The following JUP variants were observed in gnomAD, a reference collection of about 807,000 sequenced individuals.
The protein encoded by JUP is catenin (cadherin-associated protein), gamma 80kDa.
JUP carries 28 observed loss-of-function variants against 71.1 expected under a neutral mutation model. The ratio of observed to expected loss-of-function variants is 0.39; its 90% CI spans 0.29 to 0.54. JUP has a LOEUF of 0.54. JUP is among the 20% of genes least tolerant of loss of function. JUP has a pLI of 0.62. For missense variants in JUP, 869 were observed against 1,030.1 expected (o/e 0.84, Z 2.14); for synonymous variants, 401 against 438.9 (o/e 0.91, Z 1.08).
At chr17:41,771,409 GACT>G (rs1309062884) in intron 2 of JUP, 1 of 592,248 alleles carries the variant, frequency 1.7e-6, no homozygotes, top group Non-Finnish European at 3.0e-6. Flanking sequence ...TAAGGGCAGG[GACT>G]ATGCCTTCCC....
rs960800373 is a variant in JUP, at chr17:41,758,479, C to T, written c.1693G>A (p.Gly565Arg). 2 of 1,613,798 alleles carry T rather than the reference C, an allele frequency of 1.2e-6. No individual in the cohort carries two copies. Among genetic ancestry groups the T allele is most frequent in the Non-Finnish European group, 8.5e-7 (1 of 1,179,868 alleles). Reference sequence around the variant, plus strand: ...TCCCGGGCGAGGATGTGCAGTGCTCCGGTGCAGCCCTCCACAATCTCCTCC... The same window carrying T: ...TCCCGGGCGAGGATGTGCAGTGCTCTGGTGCAGCCCTCCACAATCTCCTCC... Reference protein sequence around the residue: ...RMEEIVEGCTGALHILARDPM... With the variant: ...RMEEIVEGCTRALHILARDPM... The change falls in exon 10 of 14, where the codon GGA (glycine) becomes AGA (arginine). Residue 565 changes from glycine to arginine, a missense_variant. Transcript: ENST00000393931.
intron 7 of JUP, 58 bp downstream of exon 7, chr17:41,764,655 C>G (rs1326286475): frequency 2.1e-6 from 3 of 1,411,876 alleles, no homozygotes; most frequent in Non-Finnish European, 3.0e-6. Context: ...GATGCCCAGA[C>G]AGGAGGCTGG....
At chr17:41,780,673 C>T (rs1395045607) in intron 1 of JUP, among the ~76,000 whole-genome samples, 13 of 148,486 alleles carry the variant, frequency 8.8e-5, no homozygotes, top group African/African-American at 2.2e-4. Flanking sequence ...CCAGCCTGGG[C>T]GACAGAGCAG....
chr17:41,785,542 C>T (rs1293046529), intron 1 of JUP, among the ~76,000 whole-genome samples: 3 of 152,174 alleles, frequency 2.0e-5, no homozygotes, highest in East Asian at 3.9e-4. Context: ...GCCCAGGCAC[C>T]GGCCCAGGTT....
At chr17:41,767,258 A>ATGTATATCTGC in intron 5 of JUP, 121 bp downstream of exon 5, 1 of 771,056 alleles carries the variant, frequency 1.3e-6, no homozygotes, top group East Asian at 2.6e-5. Context: ...ATGATGAAGC[A>ATGTATATCTGC]TGTATATCTG....
At chr17:41,758,651 C>A in intron 9 of JUP, 64 bp downstream of exon 9, 1 of 1,588,258 alleles carries the variant, frequency 6.3e-7, no homozygotes, top group Non-Finnish European at 8.6e-7. Flanking sequence ...CATTCACACA[C>A]ACACCCACAG....
intron 8 of JUP, among the ~76,000 whole-genome samples, chr17:41,760,278 C>T (rs957985822): frequency 1.3e-5 from 2 of 151,148 alleles, no homozygotes; most frequent in South Asian, 2.1e-4. Flanking sequence ...TTTTTTGAGA[C>T]GGAGTCTCGC....
At chr17:41,770,417 G>T (rs1415692134) in intron 2 of JUP, among the ~76,000 whole-genome samples, 1 of 152,184 alleles carries the variant, frequency 6.6e-6, no homozygotes, top group African/African-American at 2.4e-5. Context: ...GGAGAGGGAC[G>T]CAGAGGTTCC....
intron 7 of JUP, among the ~76,000 whole-genome samples, 172 bp downstream of exon 7, chr17:41,764,534 GAAAAAAA>G (rs1555603054): frequency 1.3e-4 from 11 of 83,910 alleles, no homozygotes; most frequent in Admixed American, 4.7e-4. Flanking sequence ...GACTCCGTCA[GAAAAAAA>G]AAAAAAAAAA....
At chr17:41,782,347 C>G (rs561437736) in intron 1 of JUP, among the ~76,000 whole-genome samples, 2 of 152,236 alleles carry the variant, frequency 1.3e-5, no homozygotes, top group Non-Finnish European at 2.9e-5. Context: ...AGTTCCCCAT[C>G]AAGAGCAGCC....
intron 2 of JUP, among the ~76,000 whole-genome samples, chr17:41,770,833 G>A (rs1451740533): frequency 6.6e-6 from 1 of 152,202 alleles, no homozygotes; most frequent in Non-Finnish European, 1.5e-5. Context: ...CAGAGGCCTG[G>A]TCTCCCTCCA....
At chr17:41,773,701 G>C (rs962204810) in intron 1 of JUP, among the ~76,000 whole-genome samples, 3 of 151,992 alleles carry the variant, frequency 2.0e-5, no homozygotes, top group Non-Finnish European at 4.4e-5. Flanking sequence ...GCGGGGGGCG[G>C]GGTGCTCGGA....
rs150769772 is a variant in JUP, at chr17:41,771,746, C to T, written c.109G>A (p.Val37Ile). The change falls in exon 2 of 14, where the codon GTC (valine) becomes ATC (isoleucine). Residue 37 changes from valine (V) to isoleucine (I), a missense_variant. Coordinates refer to ENST00000393931, the MANE Select transcript of JUP (RefSeq NM_002230.4). ...TCCTCCATGATGCCCTTGCTGCTGA[C>T]GGAGGGCACGCAGGTGTTGGCGCCC... ...HSGANTCVPS[V>I]SSKGIMEEDE... 56 of 1,614,146 alleles carry T rather than the reference C, an allele frequency of 3.5e-5. No homozygotes were observed. The highest frequency in any genetic ancestry group is 1.3e-4 in the South Asian group (12 of 91,084).
At chr17:41,759,995 C>T (rs1476584394) in intron 8 of JUP, among the ~76,000 whole-genome samples, 3 of 151,626 alleles carry the variant, frequency 2.0e-5, no homozygotes, top group Non-Finnish European at 4.4e-5. Context: ...AGGCAGATCA[C>T]TTTAGGTCAG....
chr17:41,754,677 GATA>G lies in JUP; in HGVS notation c.*1064_*1066del, dbSNP rs1913397052. 2.0e-5 allele frequency: 3 copies of G among 152,636 alleles called. No homozygotes were observed. The South Asian group carries it at 6.2e-4, about 32-fold the overall frequency. The allele number at this position is 152,636 out of a possible 1,614,324, so 9.5% of individuals were successfully genotyped here. Reference sequence around the variant, plus strand: ...AAACCAATAACCAAAAACATAAAGCGATAATAATAAAACACTCTGCTTGGACCT... The same window carrying G: ...AAACCAATAACCAAAAACATAAAGCGATAATAAAACACTCTGCTTGGACCT... On this transcript the variant is annotated 3_prime_UTR_variant, in exon 14 of 14. Transcript: ENST00000393931.
At chr17:41,769,361 A>C (rs1403753384) in intron 3 of JUP, 57 bp downstream of exon 3, 9 of 1,583,162 alleles carry the variant, frequency 5.7e-6, no homozygotes, top group Non-Finnish European at 7.7e-6. Context: ...TCCCCTGAGG[A>C]CATCTGCTCT....
chr17:41,766,128 C>T (rs1456131990), intron 5 of JUP, among the ~76,000 whole-genome samples: 6 of 152,056 alleles, frequency 3.9e-5, no homozygotes, highest in African/African-American at 1.4e-4. Flanking sequence ...AGTATGTTCT[C>T]ATAGTCCTAG....
chr17:41,775,408 TA>T (rs1555608364), intron 1 of JUP, among the ~76,000 whole-genome samples: 1 of 152,152 alleles, frequency 6.6e-6, no homozygotes, highest in East Asian at 1.9e-4. Context: ...CCCTTCTCCT[TA>T]CCTACTGCCC....
At chr17:41,774,079 T>C (rs767118790) in intron 1 of JUP, among the ~76,000 whole-genome samples, 4 of 152,062 alleles carry the variant, frequency 2.6e-5, no homozygotes, top group African/African-American at 4.8e-5. Context: ...GGGTCACCCC[T>C]TGCCGGCCTC....
Sources: gnomAD v4.1 joint callset for allele counts (sites outside exome capture counted in the v4.1 genomes callset) on GRCh38, gnomAD v4.1.1 for gene constraint, MANE v1.5 for transcripts, NCBI Gene and HGNC (gene_info 2026-07-23, HGNC 2026-07-21) for gene names.